The following CRYBG1 variants were observed in gnomAD, a reference collection of about 807,000 sequenced individuals.
CRYBG1 encodes crystallin beta-gamma domain containing 1, also known as beta/gamma crystallin domain-containing protein 1.
Under a neutral mutation model 189.2 loss-of-function variants are expected in CRYBG1, and 139 were observed. The ratio of observed to expected loss-of-function variants is 0.73; its 90% CI spans 0.64 to 0.85. The LOEUF (loss-of-function observed/expected upper bound fraction) is 0.85, where lower values mean the gene tolerates loss of function less well. Among genes scored for constraint, CRYBG1 ranks in the 40% least tolerant of loss-of-function variants. CRYBG1 has a pLI of 0.00. For missense variants in CRYBG1, 2,611 were observed against 2,675.8 expected, an observed-to-expected ratio of 0.98 and a Z score of 0.53; for synonymous variants, 1,023 against 1,017.1, an observed-to-expected ratio of 1.01 and a Z score of -0.11.
intron 1 of CRYBG1, among the ~76,000 whole-genome samples, chr6:106,446,164 G>A (rs1188977699): frequency 6.6e-6 from 1 of 152,238 alleles, no homozygotes. Context: ...AGGGTCTAAT[G>A]TTAGCAGGAA....
intron 18 of CRYBG1, among the ~76,000 whole-genome samples, chr6:106,559,138 T>C (rs984162376): frequency 2.6e-5 from 4 of 152,180 alleles, no homozygotes; most frequent in Non-Finnish European, 5.9e-5. Context: ...ATTTTTAGTT[T>C]ATTTAAGGTA....
intron 1 of CRYBG1, among the ~76,000 whole-genome samples, chr6:106,425,834 T>A (rs1483239997): frequency 6.6e-6 from 1 of 152,062 alleles, no homozygotes; most frequent in Non-Finnish European, 1.5e-5. Context: ...AGACAGGGTT[T>A]CACCAGTTGG....
At position 106,462,055 on chromosome 6, in the gene CRYBG1, CTAAG is replaced by C. The variant is rs369731883; in HGVS notation, c.312+10226_312+10229del. Among the ~76,000 whole-genome samples, 179 of 152,308 alleles carry C rather than the reference CTAAG, an allele frequency of 1.2e-3. 1 individual carries two copies. Among genetic ancestry groups the C allele is most frequent in the African/African-American group, 3.1e-3 (128 of 41,564 alleles). ...ATGTATTAATATTATGCAAGGCTAA[CTAAG>C]TATTTCAGTCTCATATATTTGAAAA... On this transcript the variant is annotated intron_variant, in intron 2 of 21. Transcript: ENST00000633556.
At chr6:106,484,989 TA>T (rs996615547) in intron 2 of CRYBG1, among the ~76,000 whole-genome samples, 5 of 151,154 alleles carry the variant, frequency 3.3e-5, no homozygotes, top group African/African-American at 7.3e-5. Context: ...AGACCCTATT[TA>T]AAAAAAAAGG....
chr6:106,447,259 G>A (rs1771680860), intron 1 of CRYBG1, among the ~76,000 whole-genome samples: 1 of 152,016 alleles, frequency 6.6e-6, no homozygotes, highest in Non-Finnish European at 1.5e-5. Flanking sequence ...TCTCATCAGG[G>A]AGCCAAGCTT....
chr6:106,392,772 A>AT (rs1770532197), intron 1 of CRYBG1, among the ~76,000 whole-genome samples: 1 of 118,834 alleles, frequency 8.4e-6, no homozygotes, highest in Admixed American at 8.5e-5. Context: ...AAAGAGAAAT[A>AT]ATTTTTTTTT....
chr6:106,558,227 T>C (rs1256854802), intron 17 of CRYBG1, among the ~76,000 whole-genome samples: 2 of 51,976 alleles, frequency 3.8e-5, no homozygotes, highest in Admixed American at 3.8e-4. Context: ...TATACCCATT[T>C]CTCTTTTTTT....
At chr6:106,410,994 C>A (rs1455854802) in intron 1 of CRYBG1, among the ~76,000 whole-genome samples, 1 of 151,986 alleles carries the variant, frequency 6.6e-6, no homozygotes, top group East Asian at 1.9e-4. Flanking sequence ...ACATGTATCC[C>A]AGAACCTAAA....
intron 1 of CRYBG1, among the ~76,000 whole-genome samples, chr6:106,375,007 T>G (rs971931407): frequency 2.0e-5 from 3 of 152,134 alleles, no homozygotes; most frequent in Non-Finnish European, 4.4e-5. Flanking sequence ...TTGAATGACA[T>G]ATTGAGGTGG....
At chr6:106,391,278 C>T (rs1391748241) in intron 1 of CRYBG1, among the ~76,000 whole-genome samples, 3 of 152,150 alleles carry the variant, frequency 2.0e-5, no homozygotes, top group African/African-American at 7.2e-5. Flanking sequence ...GATGGGGTTT[C>T]ACCATGTTGG....
At chr6:106,379,268 C>G (rs1770239459) in intron 1 of CRYBG1, among the ~76,000 whole-genome samples, 1 of 148,276 alleles carries the variant, frequency 6.7e-6, no homozygotes. Context: ...CTTTTCTTTT[C>G]TTTTTTTTTT....
In CRYBG1 at chr6:106,525,389, AAGAATGGC is replaced by A; in HGVS notation, c.4412+5_4412+12del. Reference sequence around the variant, plus strand: ...CTCATAAAAGTTGTTAGAGGATGGTAAGAATGGCACTTTAAGTTCCTGATGTCAAGTGT... The same window carrying A: ...CTCATAAAAGTTGTTAGAGGATGGTAACTTTAAGTTCCTGATGTCAAGTGT... On this transcript the variant is annotated splice_donor_5th_base_variant and intron_variant, in intron 6 of 21. Transcript: ENST00000633556. 6.2e-7 allele frequency: 1 copy of A among 1,608,528 alleles called. No homozygotes were observed. The highest frequency in any genetic ancestry group is 8.5e-7 in the Non-Finnish European group (1 of 1,174,934).
Position 106,376,881 on chromosome 6 carries a change from T to C in CRYBG1, c.173+15800T>C, listed in dbSNP as rs1582729004. Among the ~76,000 whole-genome samples, 4 of 152,254 alleles carry C rather than the reference T, an allele frequency of 2.6e-5. 1 individual carries two copies. Among genetic ancestry groups the C allele is most frequent in the Admixed American group, 2.6e-4 (4 of 15,292 alleles). ...CAGAAGGATAAAAGACAGTTCAGGA[T>C]TAGGTAAGGGAGTTAAATTAGTTCA... On this transcript the variant is annotated intron_variant, in intron 1 of 21. Transcript: ENST00000633556.
In CRYBG1 at chr6:106,544,919, T is replaced by C. The variant is rs773377762; in HGVS notation, c.5298T>C (p.Asn1766=). ...ATGGAGTGAAGACACAGTCTATTAATGTACTGAGTGGAGTGTAAGTGAAAT... is the reference window on the plus strand; with the variant it reads ...ATGGAGTGAAGACACAGTCTATTAACGTACTGAGTGGAGTGTAAGTGAAAT... ...TGYGVKTQSI[N]VLSGVWVAYE... Residue 1766 remains asparagine (N), a synonymous_variant, in exon 13 of 22, where the codon AAT becomes AAC. Transcript: ENST00000633556. 2 of 1,604,338 alleles carry C rather than the reference T, an allele frequency of 1.2e-6. No homozygotes were observed. The highest frequency in any genetic ancestry group is 2.3e-5 in the South Asian group (2 of 88,596).
rs1039484572 is a variant in CRYBG1, at chr6:106,561,017, A to G, written c.5979+91A>G. 6 of 1,385,410 alleles carry G rather than the reference A, an allele frequency of 4.3e-6. No individual in the cohort carries two copies. The African/African-American group carries it at 7.3e-5, about 17-fold the overall frequency. 85.8% of individuals were successfully genotyped at this position (1,385,410 alleles called of 1,614,324 possible). ...ACTTTTTATCCAATTTTTTTATTCA[A>G]AGTTTATAACTGGCCTCACCCTATA... On this transcript the variant is annotated intron_variant, in intron 19 of 21. Coordinates refer to ENST00000633556, the MANE Select transcript of CRYBG1 (RefSeq NM_001371242.2).
chr6:106,422,634 C>T (rs1057120582), intron 1 of CRYBG1, among the ~76,000 whole-genome samples: 1 of 152,170 alleles, frequency 6.6e-6, no homozygotes, highest in African/African-American at 2.4e-5. Context: ...CCCATCTGAC[C>T]TATTTGTTCA....
At chr6:106,489,178 T>C (rs979915144) in intron 2 of CRYBG1, among the ~76,000 whole-genome samples, 1 of 152,184 alleles carries the variant, frequency 6.6e-6, no homozygotes, top group Non-Finnish European at 1.5e-5. Flanking sequence ...CTTACTCCCC[T>C]TTCTATGGAG....
chr6:106,406,956 C>T (rs1431297871), intron 1 of CRYBG1, among the ~76,000 whole-genome samples: 4 of 152,210 alleles, frequency 2.6e-5, no homozygotes, highest in Non-Finnish European at 5.9e-5. Flanking sequence ...ACTATTGGCA[C>T]TATGAAGAAA....
At chr6:106,416,221 T>G (rs796420907) in intron 1 of CRYBG1, among the ~76,000 whole-genome samples, 8 of 152,240 alleles carry the variant, frequency 5.3e-5, no homozygotes, top group African/African-American at 1.9e-4. Flanking sequence ...ACTCCCACTG[T>G]GGACCCACGG....
Sources: allele counts gnomAD v4.1 joint callset (sites outside exome capture counted in the v4.1 genomes callset), GRCh38; gene constraint gnomAD v4.1.1; transcripts MANE v1.5; gene names NCBI Gene and HGNC (gene_info 2026-07-23, HGNC 2026-07-21).